The following ARMC1 variants were observed in gnomAD, a reference collection of about 807,000 sequenced individuals.
ARMC1 encodes the protein armadillo repeat-containing protein 1.
A neutral mutation model predicts 31.4 loss-of-function variants in ARMC1; 16 were observed. The ratio of observed to expected loss-of-function variants is 0.51; its 90% confidence interval spans 0.34 to 0.77. The LOEUF is 0.77. Among genes scored for constraint, ARMC1 ranks in the 30% least tolerant of loss-of-function variants. The probability of loss-of-function intolerance (pLI) is 0.01; values close to 1 mark genes in which losing one functional copy is unlikely to be tolerated. For synonymous variants in ARMC1, 114 were observed against 118.9 expected (o/e 0.96, Z 0.27); for missense variants, 259 against 347.5 (o/e 0.75, Z 2.02).
At chr8:65,632,141 TAA>T (rs1808658714) in intron 1 of ARMC1, among the ~76,000 whole-genome samples, 1 of 152,158 alleles carries the variant, frequency 6.6e-6, no homozygotes, top group Non-Finnish European at 1.5e-5. Flanking sequence ...TGCTAAGCTC[TAA>T]AACTCTGTAA....
chr8:65,618,767 G>A (rs1041352144), intron 3 of ARMC1, among the ~76,000 whole-genome samples: 11 of 152,020 alleles, frequency 7.2e-5, no homozygotes, highest in South Asian at 2.1e-4. Context: ...CTGTCGGGCC[G>A]GGGCGGTGGT....
intron 1 of ARMC1, among the ~76,000 whole-genome samples, chr8:65,628,722 T>C (rs1327057499): frequency 1.7e-4 from 25 of 149,654 alleles, no homozygotes; most frequent in African/African-American, 5.9e-4. Flanking sequence ...CCGGGCATGG[T>C]GGCACGCACC....
rs1448598076 is a variant in ARMC1, at chr8:65,623,775, C to G, written c.184-1421G>C. Among the ~76,000 whole-genome samples the G allele has an allele frequency of 2.5e-5, 3 of 121,646 alleles. No individual in the cohort carries two copies. The East Asian group carries it at 8.3e-4, about 34-fold the overall frequency. The allele number at this position is 121,646 out of a possible 152,430, so 79.8% of individuals were successfully genotyped here. ...AGAAACCGTACATGCCAGAAGACAA[C>G]AAAGTAAAATCTTTTTTTTTTTTTT... On this transcript the variant is annotated intron_variant, in intron 2 of 6. Coordinates refer to ENST00000276569, the MANE Select transcript of ARMC1 (RefSeq NM_018120.6).
rs1478034097 is a variant in ARMC1 at position 65,613,394 on chromosome 8, T to G, written c.315A>C (p.Glu105Asp). Reference sequence around the variant, plus strand: ...TGGAGGACTGAAGAATGTCATAGATTTCAGAGGCCAGAAGTTTTGTTTCTC... The same window carrying G: ...TGGAGGACTGAAGAATGTCATAGATGTCAGAGGCCAGAAGTTTTGTTTCTC... ...TPGETKLLASEIYDILQSSNM... is the reference protein window; with the variant it reads ...TPGETKLLASDIYDILQSSNM... The change falls in exon 4 of 7, where the codon GAA becomes GAC. Residue 105 changes from glutamate to aspartate, a missense_variant. Around this residue, in one of 3 missense-constraint regions of ARMC1, gnomAD observed 163 missense variants for 186.7 expected, o/e 0.87. Coordinates refer to ENST00000276569, the MANE Select transcript of ARMC1 (RefSeq NM_018120.6). The G allele has an allele frequency of 5.0e-6, 8 of 1,604,834 alleles. No individual in the cohort carries two copies. Among genetic ancestry groups the G allele is most frequent in the Non-Finnish European group, 6.8e-6 (8 of 1,176,544 alleles).
chr8:65,603,658 C>G lies in ARMC1; in HGVS notation c.*736G>C, dbSNP rs2129040420. 1 of 152,254 alleles carries G rather than the reference C, an allele frequency of 6.6e-6. No homozygotes were observed. Among genetic ancestry groups the G allele is most frequent in the South Asian group, 2.1e-4 (1 of 4,824 alleles). 9.4% of individuals were successfully genotyped at this position (152,254 alleles called of 1,614,324 possible). Reference sequence around the variant, plus strand: ...GATATAAGCCAAAGTGAAAAGAAGTCAACTAGAACCACATTTGGTCACATT... The same window carrying G: ...GATATAAGCCAAAGTGAAAAGAAGTGAACTAGAACCACATTTGGTCACATT... On this transcript the variant is annotated 3_prime_UTR_variant, in exon 7 of 7. Coordinates refer to ENST00000276569, the MANE Select transcript of ARMC1 (RefSeq NM_018120.6).
In ARMC1 at chr8:65,602,999, T is replaced by C. The variant is rs570853595; in HGVS notation, c.*1395A>G. The C allele has an allele frequency of 2.0e-5, 3 of 152,300 alleles. No individual in the cohort carries two copies. The highest frequency in any genetic ancestry group is 4.1e-4 in the South Asian group (2 of 4,820). The allele number at this position is 152,300 out of a possible 1,614,324, so 9.4% of individuals were successfully genotyped here. A position where few individuals can be genotyped will look rare whatever the true frequency, so the allele number is the denominator to read the frequency against. On this transcript the variant is annotated 3_prime_UTR_variant, in exon 7 of 7. Transcript: ENST00000276569. ...TACAATGAAAACACAAGGAAACCCT[T>C]TGAGGTCCAATTTTCACATCATATT...
In ARMC1 at chr8:65,603,716, CAT is replaced by C. The variant is rs1274122793; in HGVS notation, c.*676_*677del. On this transcript the variant is annotated 3_prime_UTR_variant, in exon 7 of 7. Transcript: ENST00000276569. ...TCTCCAAAAACACTTCACTAATATA[CAT>C]GTTTCCTTCTTGACTGATTTTGTGT... 2.6e-5 allele frequency: 4 copies of C among 152,322 alleles called. No homozygotes were observed. Among genetic ancestry groups the C allele is most frequent in the African/African-American group, 7.2e-5 (3 of 41,554 alleles). The allele number at this position is 152,322 out of a possible 1,614,324, so 9.4% of individuals were successfully genotyped here. A position where few individuals can be genotyped will look rare whatever the true frequency, so the allele number is the denominator to read the frequency against.
intron 2 of ARMC1, among the ~76,000 whole-genome samples, chr8:65,626,292 C>A (rs1808510083): frequency 6.6e-6 from 1 of 151,730 alleles, no homozygotes; most frequent in Admixed American, 6.6e-5. Flanking sequence ...GTGTTGGGGT[C>A]TGGGAAGCAA....
chr8:65,624,757 ATAAAT>A (rs113960946), intron 2 of ARMC1, among the ~76,000 whole-genome samples: 20,189 of 151,682 alleles, frequency 0.13, 2,187 homozygotes, highest in East Asian at 0.52. Context: ...CAACCACTAA[ATAAAT>A]TAAAATAAAA....
rs141443246 is a variant in ARMC1, at chr8:65,602,828, GTTT to G, written c.*1563_*1565del. ...CCTGAAAGTTATTGTTGCTTTTTTT[GTTT>G]TTTTTTTTTCAGTTTGTGCGTGTCA... is the stretch of plus-strand genomic sequence containing the variant. On this transcript the variant is annotated 3_prime_UTR_variant, in exon 7 of 7. Coordinates refer to ENST00000276569, the MANE Select transcript of ARMC1 (RefSeq NM_018120.6). The G allele has an allele frequency of 2.1e-5, 3 of 141,268 alleles. No homozygotes were observed. Among genetic ancestry groups the G allele is most frequent in the South Asian group, 2.2e-4 (1 of 4,552 alleles). The allele number at this position is 141,268 out of a possible 1,614,324, so 8.8% of individuals were successfully genotyped here. A position where few individuals can be genotyped will look rare whatever the true frequency, so the allele number is the denominator to read the frequency against.
intron 2 of ARMC1, among the ~76,000 whole-genome samples, chr8:65,624,308 G>T (rs1808466112): frequency 6.6e-6 from 1 of 151,254 alleles, no homozygotes; most frequent in Non-Finnish European, 1.5e-5. Context: ...AGACCAGCCT[G>T]GCCAACATGG....
At position 65,627,311 on chromosome 8, in the gene ARMC1, T is replaced by C; in HGVS notation, c.88A>G (p.Asn30Asp). ...QLRDLAADPL[N>D]RRAIVQDQGC... ...TGATCCTGGACGATGGCTCTTCTGT[T>C]TAACGGATCTGCTGCTAGATCCCGT... Residue 30 changes from asparagine to aspartate, a missense_variant, in exon 2 of 7, where the codon AAC becomes GAC. By Grantham distance (23) the Asn-to-Asp change is conservative. Around this residue, in one of 3 missense-constraint regions of ARMC1, gnomAD observed 163 missense variants for 186.7 expected, o/e 0.87. Coordinates refer to ENST00000276569, the MANE Select transcript of ARMC1 (RefSeq NM_018120.6). 6.2e-7 allele frequency: 1 copy of C among 1,613,576 alleles called. No individual in the cohort carries two copies. Among genetic ancestry groups the C allele is most frequent in the Non-Finnish European group, 8.5e-7 (1 of 1,179,772 alleles).
chr8:65,610,564 G>A (rs771570316), intron 4 of ARMC1, among the ~76,000 whole-genome samples: 15 of 151,860 alleles, frequency 9.9e-5, no homozygotes, highest in Admixed American at 1.3e-4. Flanking sequence ...GTGTGGTGGC[G>A]GGCACCTGTA....
At chr8:65,629,575 C>T (rs530801771) in intron 1 of ARMC1, among the ~76,000 whole-genome samples, 11 of 151,562 alleles carry the variant, frequency 7.3e-5, no homozygotes, top group African/African-American at 2.2e-4. Context: ...CCAAGGCAGG[C>T]GGATCATGAG....
At chr8:65,623,307 CAAA>C (rs71245496) in intron 2 of ARMC1, among the ~76,000 whole-genome samples, 2 of 38,334 alleles carry the variant, frequency 5.2e-5, no homozygotes, top group Non-Finnish European at 8.4e-5. Context: ...GACTCCGTCT[CAAA>C]AAAAAAAAAA....
chr8:65,611,801 TCTCACTCTGTCA>T (rs1808147522), intron 4 of ARMC1, among the ~76,000 whole-genome samples: 1 of 151,160 alleles, frequency 6.6e-6, no homozygotes, highest in Non-Finnish European at 1.5e-5. Context: ...TGAGACGGAG[TCTCACTCTGTCA>T]CTCAGGCTGG....
chr8:65,625,777 C>T (rs938887214), intron 2 of ARMC1, among the ~76,000 whole-genome samples: 5 of 151,990 alleles, frequency 3.3e-5, no homozygotes, highest in African/African-American at 1.2e-4. Context: ...AAGGAAAAGT[C>T]TATATGCCTT....
rs180844820 is a variant in ARMC1 at position 65,611,210 on chromosome 8, C to T, written c.465+2034G>A. The stretch of plus-strand genomic sequence containing the variant: ...CAGCCTCCCAAAGTGCTGGCATTAC[C>T]GGCGTAAGCCACCATGCCCGGCCCT... On this transcript the variant is annotated intron_variant, in intron 4 of 6. Coordinates refer to ENST00000276569, the MANE Select transcript of ARMC1 (RefSeq NM_018120.6). Among the ~76,000 whole-genome samples, 283 of 152,218 alleles carry T rather than the reference C, an allele frequency of 1.9e-3. 2 individuals are homozygous for T. Among genetic ancestry groups the T allele is most frequent in the African/African-American group, 6.6e-3 (276 of 41,556 alleles).
chr8:65,628,669 C>G (rs1414474628), intron 1 of ARMC1, among the ~76,000 whole-genome samples: 2 of 144,730 alleles, frequency 1.4e-5, no homozygotes. Flanking sequence ...ATCAGCCTGG[C>G]CAACATGGTG....
Sources: gnomAD v4.1 joint callset for allele counts (sites outside exome capture counted in the v4.1 genomes callset) on GRCh38, gnomAD v4.1.1 for gene constraint, gnomAD v4.1.1 regional missense constraint, MANE v1.5 for transcripts, NCBI Gene and HGNC (gene_info 2026-07-23, HGNC 2026-07-21) for gene names.